The following CADM2 variants were observed in gnomAD, a reference collection of about 807,000 sequenced individuals.
CADM2 encodes the protein cell adhesion molecule 2, also known as immunoglobulin superfamily member 4D.
CADM2 carries 12 observed loss-of-function variants against 49.8 expected under a neutral mutation model. The ratio of observed to expected loss-of-function variants is 0.24; its 90% confidence interval spans 0.15 to 0.39. The LOEUF is 0.39. Ranked by LOEUF, CADM2 falls within the 10% of genes least tolerant of loss-of-function variation. CADM2 has a pLI of 1.00. For missense variants in CADM2, 378 were observed against 492.3 expected, an observed-to-expected ratio of 0.77 and a Z score of 2.20; for synonymous variants, 214 against 175.4, an observed-to-expected ratio of 1.22 and a Z score of -1.74.
chr3:85,221,829 G>C lies in CADM2; in HGVS notation c.61+262161G>C, dbSNP rs148053453. ...ATGACATCTTTGATGACCTGAATTGGCTCTTGGGTAACATGGTGAGTTGGA... is the reference window on the plus strand; with the variant it reads ...ATGACATCTTTGATGACCTGAATTGCCTCTTGGGTAACATGGTGAGTTGGA... On this transcript the variant is annotated intron_variant, in intron 1 of 9. Transcript: ENST00000383699. Among the ~76,000 whole-genome samples the C allele has an allele frequency of 1.2e-3, 185 of 152,204 alleles. 11 individuals carry two copies. In the East Asian group the frequency reaches 0.035, roughly 29 times the overall value.
intron 1 of CADM2, among the ~76,000 whole-genome samples, chr3:85,298,664 A>G (rs1175991044): frequency 6.6e-6 from 1 of 152,094 alleles, no homozygotes; most frequent in East Asian, 1.9e-4. Flanking sequence ...AGCAAAGAAA[A>G]TGTTTGTTGA....
At chr3:85,100,305 G>T (rs1019663656) in intron 1 of CADM2, among the ~76,000 whole-genome samples, 8 of 152,108 alleles carry the variant, frequency 5.3e-5, no homozygotes, top group African/African-American at 1.9e-4. Context: ...CATCGGTTGT[G>T]GGTTGCCAAG....
At chr3:85,930,905 T>C (rs1427825999) in intron 6 of CADM2, among the ~76,000 whole-genome samples, 1 of 149,460 alleles carries the variant, frequency 6.7e-6, no homozygotes. Flanking sequence ...AATTAATTAA[T>C]ATATTAATAA....
chr3:85,302,672 A>T (rs2044128988), intron 1 of CADM2, among the ~76,000 whole-genome samples: 1 of 152,034 alleles, frequency 6.6e-6, no homozygotes, highest in Admixed American at 6.6e-5. Context: ...GAGTAGATTA[A>T]CATACATATG....
intron 1 of CADM2, among the ~76,000 whole-genome samples, chr3:85,006,158 T>A (rs2033716301): frequency 6.6e-6 from 1 of 152,144 alleles, no homozygotes; most frequent in African/African-American, 2.4e-5. Context: ...TGCAGCTTTA[T>A]GGAGTACTCT....
At chr3:85,475,530 C>T (rs1297013164) in intron 1 of CADM2, among the ~76,000 whole-genome samples, 1 of 151,566 alleles carries the variant, frequency 6.6e-6, no homozygotes, top group African/African-American at 2.4e-5. Flanking sequence ...TTTCATGACC[C>T]GTTTATTTGA....
chr3:85,014,148 A>C (rs2107266459), intron 1 of CADM2, among the ~76,000 whole-genome samples: 1 of 146,956 alleles, frequency 6.8e-6, no homozygotes, highest in Non-Finnish European at 1.5e-5. Flanking sequence ...TACGCAGTGT[A>C]ATATTGTATA....
rs531518411 is a variant in CADM2, at chr3:85,249,036, T to G, written c.61+289368T>G. Among the ~76,000 whole-genome samples the G allele has an allele frequency of 5.9e-5, 9 of 152,316 alleles. No individual in the cohort carries two copies. In the South Asian group the frequency reaches 1.9e-3, roughly 32 times the overall value. Reference sequence around the variant, plus strand: ...GATACTTGTTTGGCTTCAAGAAATTTTTTTGTCAAGCCTATTTAATCTTTG... The same window carrying G: ...GATACTTGTTTGGCTTCAAGAAATTGTTTTGTCAAGCCTATTTAATCTTTG... On this transcript the variant is annotated intron_variant, in intron 1 of 9. Coordinates refer to ENST00000383699, the MANE Select transcript of CADM2 (RefSeq NM_001167675.2).
intron 1 of CADM2, among the ~76,000 whole-genome samples, chr3:85,204,038 TA>T (rs1346647649): frequency 1.3e-5 from 2 of 152,202 alleles, no homozygotes; most frequent in Non-Finnish European, 2.9e-5. Flanking sequence ...TTTATCGAAA[TA>T]AAAAGTGATG....
intron 6 of CADM2, among the ~76,000 whole-genome samples, chr3:85,927,381 T>C (rs1158645664): frequency 2.0e-5 from 3 of 152,156 alleles, no homozygotes; most frequent in Admixed American, 2.0e-4. Flanking sequence ...AGTAGCACCG[T>C]TTAAGACTAA....
intron 1 of CADM2, among the ~76,000 whole-genome samples, chr3:85,381,680 T>A (rs2107356872): frequency 6.6e-6 from 1 of 151,800 alleles, no homozygotes; most frequent in Non-Finnish European, 1.5e-5. Context: ...ATTTTTAGAG[T>A]TTATACACTA....
At chr3:86,014,181 G>A (rs1731911195) in intron 8 of CADM2, 7 of 1,296,722 alleles carry the variant, frequency 5.4e-6, no homozygotes, top group African/African-American at 1.5e-5. Context: ...TTTAGGTTCA[G>A]ATGGTATAAA....
chr3:85,946,089 T>C (rs1722654184), intron 7 of CADM2, among the ~76,000 whole-genome samples: 1 of 152,146 alleles, frequency 6.6e-6, no homozygotes, highest in South Asian at 2.1e-4. Flanking sequence ...AGTCTCAGGA[T>C]ACAAAATCAA....
chr3:85,000,114 TTCTCTCTC>T (rs59094520), intron 1 of CADM2, among the ~76,000 whole-genome samples: 22 of 136,908 alleles, frequency 1.6e-4, no homozygotes, highest in African/African-American at 3.6e-4. Flanking sequence ...TGCTTCTACT[TTCTCTCTC>T]TCTCTCTCTC....
intron 3 of CADM2, among the ~76,000 whole-genome samples, chr3:85,819,376 CCTT>C (rs1190192156): frequency 6.6e-6 from 1 of 152,064 alleles, no homozygotes; most frequent in Non-Finnish European, 1.5e-5. Context: ...TAATTTGCAT[CCTT>C]CAATCCAATC....
intron 1 of CADM2, among the ~76,000 whole-genome samples, chr3:85,308,342 A>G (rs939765197): frequency 7.7e-6 from 1 of 130,280 alleles, no homozygotes; most frequent in African/African-American, 3.1e-5. Context: ...CACACACACA[A>G]CACTCCATGT....
chr3:85,513,645 A>G (rs1183177924), intron 1 of CADM2, among the ~76,000 whole-genome samples: 1 of 152,008 alleles, frequency 6.6e-6, no homozygotes, highest in Non-Finnish European at 1.5e-5. Context: ...CTTTAAATAA[A>G]GAGTAGAAAA....
chr3:85,531,378 A>G (rs1283986411), intron 1 of CADM2, among the ~76,000 whole-genome samples: 1 of 152,162 alleles, frequency 6.6e-6, no homozygotes, highest in African/African-American at 2.4e-5. Context: ...TATTTTTTTG[A>G]CAGTATGAAC....
chr3:85,755,881 A>G (rs1162088449), intron 2 of CADM2, among the ~76,000 whole-genome samples: 1 of 152,146 alleles, frequency 6.6e-6, no homozygotes, highest in Non-Finnish European at 1.5e-5. Context: ...ACCATATCAG[A>G]TATGACTGAT....
Sources: gnomAD v4.1 joint callset for allele counts (sites outside exome capture counted in the v4.1 genomes callset) on GRCh38, gnomAD v4.1.1 for gene constraint, MANE v1.5 for transcripts, NCBI Gene and HGNC (gene_info 2026-07-23, HGNC 2026-07-21) for gene names.